CTBP1: variants seen among roughly 807,000 people sequenced by gnomAD.
CTBP1 encodes the protein C-terminal-binding protein 1.
CTBP1 carries 11 observed loss-of-function variants against 42.1 expected under a neutral mutation model. The ratio of observed to expected loss-of-function variants is 0.26; its 90% CI spans 0.16 to 0.43. The LOEUF is 0.43. Among genes scored for constraint, CTBP1 ranks in the 20% least tolerant of loss-of-function variants. The pLI is 1.00. For synonymous variants in CTBP1, 324 were observed against 277.1 expected, an observed-to-expected ratio of 1.17 and a Z score of -1.68; for missense variants, 399 against 624.3, an observed-to-expected ratio of 0.64 and a Z score of 3.85.
intron 3 of CTBP1, among the ~76,000 whole-genome samples, chr4:1,230,502 G>A (rs1020830622): frequency 2.0e-5 from 3 of 152,202 alleles, no homozygotes; most frequent in Admixed American, 2.0e-4. Context: ...CCTGGGGTCA[G>A]GGACAGGCCT....
At chr4:1,228,421 G>A (rs1002978953) in intron 3 of CTBP1, 78 bp from the exon 4 acceptor site, 76 of 1,531,936 alleles carry the variant, frequency 5.0e-5, no homozygotes, top group East Asian at 9.1e-5. Flanking sequence ...GGGCTGCCCC[G>A]GCTGGGAAAT....
Position 1,211,739 on chromosome 4 carries a change from T to A in CTBP1, c.*501A>T, listed in dbSNP as rs1319825446. 6.6e-6 allele frequency: 1 copy of A among 152,182 alleles called. No individual in the cohort carries two copies. The highest frequency in any genetic ancestry group is 2.4e-5 in the African/African-American group (1 of 41,390). 9.4% of individuals were successfully genotyped at this position (152,182 alleles called of 1,614,324 possible). A position where few individuals can be genotyped will look rare whatever the true frequency, so the allele number is the denominator to read the frequency against. On this transcript the variant is annotated 3_prime_UTR_variant, in exon 10 of 10. Coordinates refer to ENST00000382952, the MANE Select transcript of CTBP1 (RefSeq NM_001012614.2). The stretch of plus-strand genomic sequence containing the variant: ...CAGCCTTTGTTTTGTTTTTCTAAAT[T>A]ATTCTAAAAATAAGACAAGCAGGTA...
At chr4:1,239,503 C>T (rs1445064891) in intron 2 of CTBP1, among the ~76,000 whole-genome samples, 1 of 152,226 alleles carries the variant, frequency 6.6e-6, no homozygotes, top group Non-Finnish European at 1.5e-5. Flanking sequence ...CAGTCTCCCG[C>T]CCCATCCGCT....
At chr4:1,246,907 GT>G (rs1364908274) in intron 1 of CTBP1, among the ~76,000 whole-genome samples, 1 of 152,246 alleles carries the variant, frequency 6.6e-6, no homozygotes, top group East Asian at 1.9e-4. Flanking sequence ...TGTCCAAAGA[GT>G]GGGGGGCTCC....
At chr4:1,212,576 A>C (rs934012996) in intron 9 of CTBP1, 153 bp from the exon 10 acceptor site, 1 of 716,848 alleles carries the variant, frequency 1.4e-6, no homozygotes, top group Non-Finnish European at 2.2e-6. Flanking sequence ...GTTCCTGCCT[A>C]TGGCAGCTAC....
chr4:1,247,444 G>T (rs1732832496), intron 1 of CTBP1, among the ~76,000 whole-genome samples: 1 of 152,044 alleles, frequency 6.6e-6, no homozygotes. Flanking sequence ...AGAGGGAGGT[G>T]GCCAGGCCCG....
At chr4:1,239,681 C>A (rs1365539797) in intron 2 of CTBP1, among the ~76,000 whole-genome samples, 1 of 152,250 alleles carries the variant, frequency 6.6e-6, no homozygotes, top group East Asian at 1.9e-4. Flanking sequence ...TGGGTCTCCA[C>A]TGACCACCCC....
At position 1,238,596 on chromosome 4, in the gene CTBP1, C is replaced by T. The variant is rs1399838314; in HGVS notation, c.8-259G>A. 6.6e-6 allele frequency among the ~76,000 whole-genome samples: 1 copy of T among 151,876 alleles called. No homozygotes were observed. The highest frequency in any genetic ancestry group is 1.5e-5 in the Non-Finnish European group (1 of 67,996). On this transcript the variant is annotated intron_variant, in intron 2 of 9. Transcript: ENST00000382952. This position sits in a 1 kb window ranked among gnomAD's most constrained non-coding sequence, Gnocchi z 5.9. Reference sequence around the variant, plus strand: ...CCTTGGGCACAGGACCTCCGAGACCCTCCAAGTCCCCTCCGAGACCCTCCA... The same window carrying T: ...CCTTGGGCACAGGACCTCCGAGACCTTCCAAGTCCCCTCCGAGACCCTCCA...
intron 1 of CTBP1, among the ~76,000 whole-genome samples, chr4:1,247,850 C>G (rs981117479): frequency 1.3e-5 from 2 of 152,230 alleles, no homozygotes; most frequent in Admixed American, 6.5e-5. Flanking sequence ...CCCCAACTCT[C>G]AGGGTTTCAC....
intron 5 of CTBP1, among the ~76,000 whole-genome samples, chr4:1,219,326 C>T (rs1031184342): frequency 3.3e-5 from 5 of 152,012 alleles, no homozygotes; most frequent in African/African-American, 9.7e-5. Context: ...CACTCCAGCC[C>T]GAGTGACAGA....
chr4:1,244,354 T>TAG, intron 1 of CTBP1: 1 of 960,522 alleles, frequency 1.0e-6, no homozygotes, highest in Non-Finnish European at 1.2e-6. Flanking sequence ...CTCTGGGCAC[T>TAG]GGGGGGGGGG....
chr4:1,249,663 C>G (rs1434570756), upstream of CTBP1: 1 of 424,776 alleles, frequency 2.4e-6, no homozygotes, highest in African/African-American at 2.1e-5. Context: ...CGAGAGCCGG[C>G]GGCACATGGG....
chr4:1,237,636 A>G, intron 3 of CTBP1: 1 of 609,920 alleles, frequency 1.6e-6, no homozygotes, highest in Non-Finnish European at 3.0e-6. Flanking sequence ...GCTCAGGACA[A>G]ACCCCGTGTC....
Position 1,216,201 on chromosome 4 carries a change from G to A in CTBP1, c.519C>T (p.Arg173=), listed in dbSNP as rs376681305. ...GETLGIIGLG[R]VGQAVALRAK... ...CCCGCAGCGCCACTGCCTGCCCCAC[G>A]CGACCTGGTGGCGTCAAGACACAGT... is the stretch of plus-strand genomic sequence containing the variant. Residue 173 remains arginine, a synonymous_variant, in exon 6 of 10, where the codon CGC becomes CGT. Coordinates refer to ENST00000382952, the MANE Select transcript of CTBP1 (RefSeq NM_001012614.2). 39 of 1,609,144 alleles carry A rather than the reference G, an allele frequency of 2.4e-5. No individual in the cohort carries two copies. Among genetic ancestry groups the A allele is most frequent in the South Asian group, 3.3e-5 (3 of 90,888 alleles).
rs960681497 is a variant in CTBP1, at chr4:1,233,051, G to A, written c.163-4708C>T. On this transcript the variant is annotated intron_variant, in intron 3 of 9. Coordinates refer to ENST00000382952, the MANE Select transcript of CTBP1 (RefSeq NM_001012614.2). This position sits in a 1 kb window ranked among gnomAD's most constrained non-coding sequence, Gnocchi z 4.6. ...GCCCTGCGGGGGTCGCACTGCACCC[G>A]AGGCTCAGCTGGGCACTGGGCAGTC... is the stretch of plus-strand genomic sequence containing the variant. 3 of 152,464 alleles carry A rather than the reference G, an allele frequency of 2.0e-5. No individual in the cohort carries two copies. The highest frequency in any genetic ancestry group is 4.8e-5 in the African/African-American group (2 of 41,420). 9.4% of individuals were successfully genotyped at this position (152,464 alleles called of 1,614,324 possible).
intron 1 of CTBP1, chr4:1,243,710 C>T (rs1732425355): frequency 1.0e-6 from 1 of 985,360 alleles, no homozygotes; most frequent in South Asian, 4.7e-5. Flanking sequence ...GCCTTCCTGG[C>T]TGGCCGGTCA....
intron 1 of CTBP1, chr4:1,245,376 C>T: frequency 2.0e-6 from 2 of 985,422 alleles, no homozygotes; most frequent in Non-Finnish European, 1.2e-6. Flanking sequence ...CCCCAGAACG[C>T]CACCTTCCTG....
In CTBP1 at chr4:1,212,319, G is replaced by GGGGGGGC; in HGVS notation, c.1210_1211insGCCCCCC (p.Ala404GlyfsTer21). Reference sequence around the variant, plus strand: ...AGGAGAAGGGGCGTGGGGCGGGTGGGCCACAGGGGGCAGGCCGTGGGACAG... The same window carrying GGGGGGGC: ...AGGAGAAGGGGCGTGGGGCGGGTGGGGGGGGGCCCACAGGGGGCAGGCCGTGGGACAG... On this transcript the variant is annotated frameshift_variant, in exon 10 of 10. Coordinates refer to ENST00000382952, the MANE Select transcript of CTBP1 (RefSeq NM_001012614.2). LOFTEE classifies it high-confidence loss of function. The GGGGGGGC allele has an allele frequency of 1.3e-6, 1 of 768,896 alleles. No homozygotes were observed. The highest frequency in any genetic ancestry group is 2.9e-5 in the Admixed American group (1 of 34,506). The allele number at this position is 768,896 out of a possible 1,614,324, so 47.6% of individuals were successfully genotyped here.
At chr4:1,240,953 C>T (rs913237677) in intron 2 of CTBP1, among the ~76,000 whole-genome samples, 6 of 152,236 alleles carry the variant, frequency 3.9e-5, no homozygotes, top group African/African-American at 7.2e-5. Context: ...ACAGGGGCCA[C>T]GGCCCTGCTC....
Sources: gnomAD v4.1 joint callset for allele counts (sites outside exome capture counted in the v4.1 genomes callset) on GRCh38, gnomAD v4.1.1 for gene constraint, Gnocchi (gnomAD v3.1) non-coding constraint, MANE v1.5 for transcripts, NCBI Gene and HGNC (gene_info 2026-07-23, HGNC 2026-07-21) for gene names.